PADI4: variants seen among roughly 807,000 people sequenced by gnomAD.
The protein encoded by PADI4 is protein-arginine deiminase type-4.
Under a neutral mutation model 75.0 loss-of-function variants are expected in PADI4, and 62 were observed. That is an observed-to-expected ratio of 0.83 (90% CI 0.67 to 1.02). The LOEUF (loss-of-function observed/expected upper bound fraction) is 1.02. Ranked by LOEUF, PADI4 falls within the 50% of genes least tolerant of loss-of-function variation. The pLI is 0.00. For missense variants in PADI4, 845 were observed against 850.5 expected (o/e 0.99, Z 0.08); for synonymous variants, 361 against 348.1 (o/e 1.04, Z -0.41).
intron 15 of PADI4, among the ~76,000 whole-genome samples, chr1:17,361,927 A>G (rs1175575815): frequency 6.6e-6 from 1 of 152,192 alleles, no homozygotes; most frequent in Non-Finnish European, 1.5e-5. Context: ...GAGTTATGGG[A>G]ACACAGAGCA....
At chr1:17,328,409 A>T (rs1032527749) in intron 1 of PADI4, among the ~76,000 whole-genome samples, 3 of 151,948 alleles carry the variant, frequency 2.0e-5, no homozygotes, top group African/African-American at 7.2e-5. Flanking sequence ...ACTTTGGAAG[A>T]CCAAGGCAGA....
chr1:17,317,550 T>A (rs2073962630), intron 1 of PADI4, among the ~76,000 whole-genome samples: 2 of 151,650 alleles, frequency 1.3e-5, no homozygotes, highest in Non-Finnish European at 2.9e-5. Flanking sequence ...ATTACAGGCT[T>A]GAGCCACCAT....
intron 7 of PADI4, 33 bp from the exon 8 acceptor site, chr1:17,342,266 A>G: frequency 6.9e-7 from 1 of 1,447,068 alleles, no homozygotes. Flanking sequence ...CAGCGGTGAC[A>G]GCCCCTCCTT....
chr1:17,342,750 G>A (rs2074446194), intron 8 of PADI4, among the ~76,000 whole-genome samples: 1 of 152,170 alleles, frequency 6.6e-6, no homozygotes, highest in Admixed American at 6.5e-5. Flanking sequence ...TGAGGCAGGT[G>A]GATCACTTAA....
intron 14 of PADI4, 107 bp downstream of exon 14, chr1:17,359,015 C>A: frequency 1.3e-6 from 1 of 777,760 alleles, no homozygotes; most frequent in Non-Finnish European, 2.1e-6. Context: ...TCAGGATGCG[C>A]TGGAAGACAG....
At chr1:17,327,427 G>T (rs1400823487) in intron 1 of PADI4, among the ~76,000 whole-genome samples, 2 of 151,670 alleles carry the variant, frequency 1.3e-5, no homozygotes, top group South Asian at 2.1e-4. Flanking sequence ...CAACTTTTCT[G>T]GATCGTTATA....
In PADI4 at chr1:17,346,679, A is replaced by C. The variant is rs1258658389; in HGVS notation, c.1047+540A>C. ...CATGCCAGGAGTGCCCCAAGGACTG[A>C]GACTGGGCCTCATCCAGCCTAGCAC... On this transcript the variant is annotated intron_variant, in intron 9 of 15. Transcript: ENST00000375448. The surrounding 1 kb of genome is among the most constrained non-coding windows in gnomAD (Gnocchi z 4.3). Among the ~76,000 whole-genome samples the C allele has an allele frequency of 6.6e-6, 1 of 151,986 alleles. No homozygotes were observed. The highest frequency in any genetic ancestry group is 1.5e-5 in the Non-Finnish European group (1 of 67,986).
At chr1:17,328,351 G>T (rs530386632) in intron 1 of PADI4, among the ~76,000 whole-genome samples, 2 of 151,854 alleles carry the variant, frequency 1.3e-5, no homozygotes, top group Admixed American at 1.3e-4. Context: ...TAGGCCAGGC[G>T]CATAAAAGTT....
chr1:17,351,964 CGG>C (rs1557576097), intron 10 of PADI4, among the ~76,000 whole-genome samples: 3 of 77,844 alleles, frequency 3.9e-5, no homozygotes, highest in African/African-American at 2.0e-4. Context: ...GGAGGAGAGG[CGG>C]CCAGGGAGGT....
intron 1 of PADI4, among the ~76,000 whole-genome samples, chr1:17,316,559 G>A (rs34470277): frequency 0.32 from 47,318 of 149,178 alleles, 8,685 homozygotes; most frequent in East Asian, 0.6. Flanking sequence ...GCCTGGTGGC[G>A]GGCGCCTGTA....
chr1:17,352,467 G>A (rs2074681038), intron 10 of PADI4, among the ~76,000 whole-genome samples: 1 of 152,286 alleles, frequency 6.6e-6, no homozygotes, highest in Non-Finnish European at 1.5e-5. Flanking sequence ...GTGTTGTTGA[G>A]TAAAGAGAAC....
At chr1:17,314,931 C>T (rs545488375) in intron 1 of PADI4, among the ~76,000 whole-genome samples, 33 of 152,274 alleles carry the variant, frequency 2.2e-4, no homozygotes, top group South Asian at 1.7e-3. Context: ...GTTGGGAATT[C>T]GTATGTTCCA....
chr1:17,358,578 A>AT lies in PADI4; in HGVS notation c.1559-260_1559-259insT, dbSNP rs1487028112. On this transcript the variant is annotated intron_variant, in intron 13 of 15. Coordinates refer to ENST00000375448, the MANE Select transcript of PADI4 (RefSeq NM_012387.3). ...GAGACTCCGTCTCAAAAAAAAAAAA[A>AT]AATAATAATAAAAATAAAAATATAT... 1.5e-5 allele frequency among the ~76,000 whole-genome samples: 2 copies of AT among 131,488 alleles called. 1 individual carries two copies. Among genetic ancestry groups the AT allele is most frequent in the African/African-American group, 6.1e-5 (2 of 32,800 alleles). 86.3% of individuals were successfully genotyped at this position (131,488 alleles called of 152,430 possible).
At chr1:17,322,485 T>TCC (rs34016518) in intron 1 of PADI4, among the ~76,000 whole-genome samples, 330 of 126,542 alleles carry the variant, frequency 2.6e-3, no homozygotes, top group Admixed American at 3.7e-3. Context: ...TGAGACTCCA[T>TCC]CCCCCCCCAA....
chr1:17,326,113 T>C (rs1334426055), intron 1 of PADI4, among the ~76,000 whole-genome samples: 1 of 152,002 alleles, frequency 6.6e-6, no homozygotes, highest in African/African-American at 2.4e-5. Context: ...AAAAAAAAAA[T>C]CTGCTTTATC....
intron 10 of PADI4, among the ~76,000 whole-genome samples, chr1:17,354,153 G>A (rs1322274468): frequency 2.6e-5 from 4 of 152,230 alleles, no homozygotes; most frequent in East Asian, 1.9e-4. Context: ...AGGAGGCTGA[G>A]GAGTATTCCT....
chr1:17,318,252 C>G (rs1350485219), intron 1 of PADI4, among the ~76,000 whole-genome samples: 1 of 152,184 alleles, frequency 6.6e-6, no homozygotes, highest in East Asian at 1.9e-4. Flanking sequence ...AGGAATGGCA[C>G]CAGGCTGGGC....
chr1:17,327,110 A>G (rs1377498507), intron 1 of PADI4, among the ~76,000 whole-genome samples: 4 of 151,840 alleles, frequency 2.6e-5, no homozygotes, highest in Non-Finnish European at 4.4e-5. Context: ...ATGGGGTTTT[A>G]CCATATTGCT....
intron 10 of PADI4, chr1:17,348,259 G>A (rs2074555500): frequency 2.3e-6 from 1 of 439,140 alleles, no homozygotes; most frequent in African/African-American, 2.0e-5. Flanking sequence ...CAAAACCCTT[G>A]TCACCCGTGA....
Sources: allele counts gnomAD v4.1 joint callset (sites outside exome capture counted in the v4.1 genomes callset), GRCh38; gene constraint gnomAD v4.1.1; non-coding constraint Gnocchi (gnomAD v3.1); transcripts MANE v1.5; gene names NCBI Gene and HGNC (gene_info 2026-07-23, HGNC 2026-07-21).